The following SLC24A3 variants were observed in gnomAD, a reference collection of about 807,000 sequenced individuals.
SLC24A3 encodes the protein sodium/potassium/calcium exchanger 3.
In SLC24A3, 28 loss-of-function variants were observed where a neutral mutation model predicts 75.8. The observed-to-expected ratio is 0.37, with a 90% confidence interval of 0.27 to 0.51. SLC24A3 has a LOEUF of 0.51. Ranked by LOEUF, SLC24A3 falls within the 20% of genes least tolerant of loss-of-function variation. The probability of loss-of-function intolerance (pLI) is 0.94; values close to 1 mark genes in which losing one functional copy is unlikely to be tolerated. For missense variants in SLC24A3, 663 were observed against 847.8 expected, an observed-to-expected ratio of 0.78 and a Z score of 2.71; for synonymous variants, 372 against 334.1, an observed-to-expected ratio of 1.11 and a Z score of -1.24.
rs1309254915 is a variant in SLC24A3 at position 19,722,378 on chromosome 20, CAG to C, written c.*1242_*1243del. 1 of 152,708 alleles carries C rather than the reference CAG, an allele frequency of 6.5e-6. No homozygotes were observed. Among genetic ancestry groups the C allele is most frequent in the African/African-American group, 2.4e-5 (1 of 41,472 alleles). 9.5% of individuals were successfully genotyped at this position (152,708 alleles called of 1,614,324 possible). On this transcript the variant is annotated 3_prime_UTR_variant, in exon 17 of 17. Transcript: ENST00000328041. ...GAGGGATGGCCAGGGAAGGAGAAAACAGAGAACTGACACCTTTGAAACCACAG... is the reference window on the plus strand; with the variant it reads ...GAGGGATGGCCAGGGAAGGAGAAAACAGAACTGACACCTTTGAAACCACAG...
chr20:19,625,678 C>T (rs2031857771), intron 6 of SLC24A3, among the ~76,000 whole-genome samples: 1 of 152,158 alleles, frequency 6.6e-6, no homozygotes. Context: ...GCAATCATAA[C>T]CCTAAATCCA....
chr20:19,331,420 A>G (rs1278878037), intron 2 of SLC24A3, among the ~76,000 whole-genome samples: 1 of 151,246 alleles, frequency 6.6e-6, no homozygotes, highest in East Asian at 1.9e-4. Flanking sequence ...ATAGATGGAT[A>G]GATAGGATAG....
intron 3 of SLC24A3, among the ~76,000 whole-genome samples, chr20:19,576,288 T>G (rs2031133286): frequency 6.6e-6 from 1 of 152,222 alleles, no homozygotes; most frequent in African/African-American, 2.4e-5. Context: ...TAAAACTATT[T>G]GTGCTAGTTG....
chr20:19,377,120 C>T (rs1189973533), intron 2 of SLC24A3, among the ~76,000 whole-genome samples: 1 of 152,102 alleles, frequency 6.6e-6, no homozygotes, highest in African/African-American at 2.4e-5. Flanking sequence ...TGTACATTTC[C>T]CCCATTTTCC....
chr20:19,699,514 G>C (rs961800462), intron 15 of SLC24A3, among the ~76,000 whole-genome samples: 9 of 152,216 alleles, frequency 5.9e-5, no homozygotes, highest in African/African-American at 2.2e-4. Flanking sequence ...GAAAGCATGT[G>C]CTTATTTTGG....
chr20:19,408,509 C>T (rs1986690703), intron 2 of SLC24A3, among the ~76,000 whole-genome samples: 1 of 152,000 alleles, frequency 6.6e-6, no homozygotes, highest in African/African-American at 2.4e-5. Flanking sequence ...CCTGCCTCAG[C>T]CTCCCAAATA....
rs753855008 is a variant in SLC24A3 at position 19,212,979 on chromosome 20, A to G, written c.137A>G (p.Gln46Arg). ...LLWSLSSLRE[Q>R]KELDLMDLVG... ...TGGTCGCTGTCGAGCCTGCGAGAGCAGAAGGGTGAGTGCACGCTGCCTGCC... is the reference window on the plus strand; with the variant it reads ...TGGTCGCTGTCGAGCCTGCGAGAGCGGAAGGGTGAGTGCACGCTGCCTGCC... The change falls in exon 1 of 17, where the codon CAG becomes CGG. Residue 46 changes from glutamine (Q) to arginine (R), a missense_variant. Transcript: ENST00000328041. 7.8e-6 allele frequency: 10 copies of G among 1,287,550 alleles called. No homozygotes were observed. In the East Asian group the frequency reaches 2.6e-4, roughly 34 times the overall value. 79.8% of individuals were successfully genotyped at this position (1,287,550 alleles called of 1,614,324 possible).
intron 3 of SLC24A3, among the ~76,000 whole-genome samples, chr20:19,557,276 G>A (rs2030803203): frequency 6.6e-6 from 1 of 152,192 alleles, no homozygotes; most frequent in African/African-American, 2.4e-5. Flanking sequence ...CAGCATGTCT[G>A]TGCAGTGGTG....
intron 3 of SLC24A3, among the ~76,000 whole-genome samples, chr20:19,572,176 C>A (rs1255238735): frequency 1.3e-5 from 2 of 152,060 alleles, no homozygotes; most frequent in Non-Finnish European, 2.9e-5. Flanking sequence ...CCCTCCCCCT[C>A]TAAAAATGTT....
chr20:19,287,396 T>G (rs187091114), intron 2 of SLC24A3, among the ~76,000 whole-genome samples: 16 of 152,360 alleles, frequency 1.1e-4, no homozygotes, highest in African/African-American at 3.4e-4. Flanking sequence ...GGCTGGCCCA[T>G]GTACATCAGT....
At chr20:19,432,248 C>G (rs1469926495) in intron 2 of SLC24A3, among the ~76,000 whole-genome samples, 2 of 143,642 alleles carry the variant, frequency 1.4e-5, no homozygotes, top group African/African-American at 5.3e-5. Context: ...TTTACAGAAT[C>G]AAACAGATTT....
chr20:19,526,886 C>T (rs1263750389), intron 3 of SLC24A3, among the ~76,000 whole-genome samples: 2 of 152,218 alleles, frequency 1.3e-5, no homozygotes, highest in South Asian at 2.1e-4. Context: ...GCTTTGAGCA[C>T]AGCAGGGCAT....
intron 2 of SLC24A3, among the ~76,000 whole-genome samples, chr20:19,497,040 C>A (rs1253534858): frequency 6.6e-6 from 1 of 152,146 alleles, no homozygotes; most frequent in Non-Finnish European, 1.5e-5. Context: ...GGGTACCAGC[C>A]ATTTACCCCA....
chr20:19,341,434 A>T (rs1420737034), intron 2 of SLC24A3, among the ~76,000 whole-genome samples: 1 of 152,168 alleles, frequency 6.6e-6, no homozygotes, highest in African/African-American at 2.4e-5. Flanking sequence ...TAGTCCATCC[A>T]CTGTGCCTGT....
At chr20:19,636,213 C>A (rs2032001378) in intron 6 of SLC24A3, among the ~76,000 whole-genome samples, 1 of 152,162 alleles carries the variant, frequency 6.6e-6, no homozygotes, top group African/African-American at 2.4e-5. Flanking sequence ...TGATGTAACA[C>A]CATTTCTGTC....
At chr20:19,650,407 A>T (rs2032188302) in intron 6 of SLC24A3, among the ~76,000 whole-genome samples, 1 of 152,234 alleles carries the variant, frequency 6.6e-6, no homozygotes, top group Admixed American at 6.5e-5. Context: ...CAGAGCTTAA[A>T]GACGCAACCC....
chr20:19,451,458 G>A (rs1987479679), intron 2 of SLC24A3, among the ~76,000 whole-genome samples: 2 of 152,230 alleles, frequency 1.3e-5, no homozygotes, highest in Admixed American at 1.3e-4. Context: ...GTAGCCCTTT[G>A]AGCGGAGCCA....
intron 2 of SLC24A3, among the ~76,000 whole-genome samples, chr20:19,491,600 C>T (rs930384570): frequency 6.6e-6 from 1 of 152,186 alleles, no homozygotes; most frequent in African/African-American, 2.4e-5. Context: ...CTGGCACCCC[C>T]CATACCTCCT....
At chr20:19,242,148 G>C (rs572631103) in intron 1 of SLC24A3, among the ~76,000 whole-genome samples, 39 of 152,196 alleles carry the variant, frequency 2.6e-4, no homozygotes, top group African/African-American at 9.4e-4. Flanking sequence ...TCCTGGAAAA[G>C]GCAGAGGAGG....
Sources: gnomAD v4.1 joint callset for allele counts (sites outside exome capture counted in the v4.1 genomes callset) on GRCh38, gnomAD v4.1.1 for gene constraint, MANE v1.5 for transcripts, NCBI Gene and HGNC (gene_info 2026-07-23, HGNC 2026-07-21) for gene names.